The following EPC1 variants were observed in gnomAD, a reference collection of about 807,000 sequenced individuals.
EPC1 encodes the protein enhancer of polycomb 1.
A neutral mutation model predicts 98.4 loss-of-function variants in EPC1; 12 were observed. The observed-to-expected ratio is 0.12, with a 90% CI of 0.08 to 0.20. The LOEUF (loss-of-function observed/expected upper bound fraction) is 0.20. Ranked by LOEUF, EPC1 falls within the 10% of genes least tolerant of loss-of-function variation. The pLI is 1.00. For missense variants in EPC1, 729 were observed against 990.5 expected (o/e 0.74, Z 3.54); for synonymous variants, 357 against 363.9 (o/e 0.98, Z 0.21).
At chr10:32,294,436 T>C (rs1835022053) in intron 2 of EPC1, among the ~76,000 whole-genome samples, 1 of 152,240 alleles carries the variant, frequency 6.6e-6, no homozygotes, top group Non-Finnish European at 1.5e-5. Context: ...AATAATTTTG[T>C]GCGTGAAGTT....
At chr10:32,333,886 CAA>C (rs888922763) in intron 1 of EPC1, among the ~76,000 whole-genome samples, 5 of 152,134 alleles carry the variant, frequency 3.3e-5, no homozygotes, top group African/African-American at 1.2e-4. Context: ...AAAAGATGCA[CAA>C]AGTTTTAAAA....
At chr10:32,295,578 C>A (rs2479358) in intron 2 of EPC1, among the ~76,000 whole-genome samples, 2 of 151,924 alleles carry the variant, frequency 1.3e-5, no homozygotes, top group East Asian at 3.9e-4. Context: ...GTCATTATTA[C>A]GTAAACAGCT....
intron 6 of EPC1, 148 bp from the exon 7 acceptor site, chr10:32,287,422 T>C: frequency 1.3e-6 from 1 of 774,746 alleles, no homozygotes; most frequent in Non-Finnish European, 2.0e-6. Flanking sequence ...GGCCATCTTA[T>C]AGTGTAAAGT....
chr10:32,356,685 C>T (rs1378956608), intron 1 of EPC1, among the ~76,000 whole-genome samples: 4 of 152,150 alleles, frequency 2.6e-5, no homozygotes, highest in East Asian at 3.9e-4. Flanking sequence ...TGCCTGCGCA[C>T]GTTGATTAAA....
At chr10:32,271,479 T>C (rs187385379) in intron 13 of EPC1, 75 bp downstream of exon 13, 9 of 1,450,864 alleles carry the variant, frequency 6.2e-6, no homozygotes, top group East Asian at 4.6e-5. Context: ...CACAAAGAAA[T>C]AGGTAAAGAA....
intron 1 of EPC1, among the ~76,000 whole-genome samples, chr10:32,364,052 T>A (rs1428653931): frequency 7.5e-6 from 1 of 132,652 alleles, no homozygotes; most frequent in Admixed American, 8.5e-5. Flanking sequence ...TTCACTCTTG[T>A]CACCCAGGCT....
intron 1 of EPC1, among the ~76,000 whole-genome samples, chr10:32,313,288 T>C (rs1836356444): frequency 6.6e-6 from 1 of 152,208 alleles, no homozygotes; most frequent in South Asian, 2.1e-4. Context: ...CTTAATTCTG[T>C]TCATTAATTA....
intron 9 of EPC1, 121 bp from the exon 10 acceptor site, chr10:32,285,171 T>C: frequency 1.5e-6 from 1 of 689,060 alleles, no homozygotes; most frequent in East Asian, 2.8e-5. Flanking sequence ...ATTTAAAAGC[T>C]TTAAAGTTGA....
chr10:32,300,734 G>A (rs879527556), intron 2 of EPC1, among the ~76,000 whole-genome samples: 6 of 151,900 alleles, frequency 3.9e-5, no homozygotes, highest in Non-Finnish European at 7.4e-5. Context: ...GCGTCCCGCC[G>A]ATTTTTACTT....
chr10:32,297,451 A>G (rs947943869), intron 2 of EPC1, among the ~76,000 whole-genome samples: 3 of 151,800 alleles, frequency 2.0e-5, no homozygotes, highest in African/African-American at 7.3e-5. Flanking sequence ...ACGCCCGGCA[A>G]ATTTTTGTAT....
chr10:32,296,713 C>T (rs1310073226), intron 2 of EPC1, among the ~76,000 whole-genome samples: 1 of 152,164 alleles, frequency 6.6e-6, no homozygotes, highest in Admixed American at 6.5e-5. Flanking sequence ...TCCAGACCAG[C>T]CTGGCCAACA....
chr10:32,358,662 G>A (rs944010839), intron 1 of EPC1, among the ~76,000 whole-genome samples: 1 of 150,186 alleles, frequency 6.7e-6, no homozygotes, highest in Non-Finnish European at 1.5e-5. Flanking sequence ...GGGCGGGGGG[G>A]GAAGAAAGTG....
At chr10:32,363,506 G>A (rs756538216) in intron 1 of EPC1, among the ~76,000 whole-genome samples, 5 of 152,104 alleles carry the variant, frequency 3.3e-5, no homozygotes, top group East Asian at 3.9e-4. Context: ...CTGGGTTTAT[G>A]CTAGCTGTCA....
intron 1 of EPC1, among the ~76,000 whole-genome samples, chr10:32,344,327 C>G (rs1342181611): frequency 6.6e-6 from 1 of 152,096 alleles, no homozygotes; most frequent in South Asian, 2.1e-4. Flanking sequence ...AGTGTCTATT[C>G]TTGAGGTCTA....
intron 1 of EPC1, chr10:32,345,233 T>C (rs1838684336): frequency 1.0e-6 from 1 of 985,404 alleles, no homozygotes; most frequent in South Asian, 4.7e-5. Flanking sequence ...CATGAGACAA[T>C]GTGCTGAAAG....
intron 10 of EPC1, chr10:32,283,818 G>C (rs1181972757): frequency 6.6e-6 from 1 of 152,078 alleles, no homozygotes; most frequent in Non-Finnish European, 1.5e-5. Context: ...GACTGCAATT[G>C]GGGGGTGCCC....
rs145167113 is a variant in EPC1, at chr10:32,320,554, A to G, written c.154-14623T>C. On this transcript the variant is annotated intron_variant, in intron 1 of 13. Coordinates refer to ENST00000319778, the MANE Select transcript of EPC1 (RefSeq NM_001272004.3). ...ATGCCAAAATCCATTATGATCTTCC[A>G]AATTAATAATACAGAATTCAACATT... Among the ~76,000 whole-genome samples the G allele has an allele frequency of 4.7e-3, 713 of 152,324 alleles. 7 individuals are homozygous for G. The highest frequency in any genetic ancestry group is 0.017 in the Middle Eastern group (5 of 294).
At chr10:32,370,507 T>C (rs1839716306) in intron 1 of EPC1, among the ~76,000 whole-genome samples, 1 of 152,210 alleles carries the variant, frequency 6.6e-6, no homozygotes, top group Non-Finnish European at 1.5e-5. Flanking sequence ...AAACCAAAAC[T>C]TTTTAGGGTA....
chr10:32,378,458 G>A lies in EPC1; in HGVS notation c.3+33C>T, dbSNP rs907315722. ...CTTTTTAGCCGGTGGCTCTTTCAAA[G>A]ACTGACATAAATGGTGAAAATTACA... On this transcript the variant is annotated intron_variant, in intron 1 of 13. Coordinates refer to the EPC1 transcript ENST00000375110. The A allele has an allele frequency of 2.6e-6, 4 of 1,532,016 alleles. No homozygotes were observed. The African/African-American group carries it at 5.5e-5, about 21-fold the overall frequency. 94.9% of individuals were successfully genotyped at this position (1,532,016 alleles called of 1,614,324 possible).
Sources: allele counts gnomAD v4.1 joint callset (sites outside exome capture counted in the v4.1 genomes callset), GRCh38; gene constraint gnomAD v4.1.1; transcripts MANE v1.5; gene names NCBI Gene and HGNC (gene_info 2026-07-23, HGNC 2026-07-21).